CUL4A: variants seen among roughly 807,000 people sequenced by gnomAD.
CUL4A encodes cullin 4A.
Under a neutral mutation model 95.5 loss-of-function variants are expected in CUL4A, and 16 were observed. The ratio of observed to expected loss-of-function variants is 0.17; its 90% confidence interval spans 0.11 to 0.25. The LOEUF is 0.25. Ranked by LOEUF, CUL4A falls within the 10% of genes least tolerant of loss-of-function variation. The probability of loss-of-function intolerance (pLI) is 1.00; values close to 1 mark genes in which losing one functional copy is unlikely to be tolerated. For synonymous variants in CUL4A, 380 were observed against 353.1 expected, an observed-to-expected ratio of 1.08 and a Z score of -0.85; for missense variants, 610 against 937.0, an observed-to-expected ratio of 0.65 and a Z score of 4.56.
At chr13:113,248,338 T>G (rs2041908651) in intron 15 of CUL4A, among the ~76,000 whole-genome samples, 1 of 152,174 alleles carries the variant, frequency 6.6e-6, no homozygotes, top group Non-Finnish European at 1.5e-5. Flanking sequence ...ACTTATTTAT[T>G]TCTCTCTCTT....
chr13:113,211,541 C>T (rs1183319534), intron 2 of CUL4A, among the ~76,000 whole-genome samples: 5 of 152,206 alleles, frequency 3.3e-5, no homozygotes, highest in Non-Finnish European at 5.9e-5. Context: ...CCTGCCACCA[C>T]GCCTGGCTAA....
At chr13:113,208,694 A>G, upstream of CUL4A, 3 of 1,553,530 alleles carry the variant, frequency 1.9e-6, no homozygotes, top group South Asian at 3.5e-5. Context: ...AGCTGGCGTC[A>G]CTTCCGGCCC....
intron 3 of CUL4A, among the ~76,000 whole-genome samples, chr13:113,227,722 G>T (rs1246603241): frequency 6.6e-6 from 1 of 152,052 alleles, no homozygotes; most frequent in Non-Finnish European, 1.5e-5. Context: ...TGACCAACAT[G>T]GTGAAACCCC....
intron 18 of CUL4A, among the ~76,000 whole-genome samples, chr13:113,255,828 G>A (rs1566371466): frequency 6.6e-6 from 1 of 152,210 alleles, no homozygotes; most frequent in Admixed American, 6.5e-5. Flanking sequence ...TTGTTTCCAA[G>A]TTTTGGTGAT....
At chr13:113,219,102 C>A in intron 3 of CUL4A, 54 bp downstream of exon 3, 1 of 1,098,466 alleles carries the variant, frequency 9.1e-7, no homozygotes, top group Non-Finnish European at 1.3e-6. Flanking sequence ...TCTTTTAAAA[C>A]TGAACATTAT....
intron 3 of CUL4A, among the ~76,000 whole-genome samples, chr13:113,220,774 T>G (rs559167629): frequency 6.6e-6 from 1 of 152,300 alleles, no homozygotes; most frequent in African/African-American, 2.4e-5. Context: ...AGCACTTGCT[T>G]TCTACCTACT....
chr13:113,216,552 C>G (rs1289278960), intron 2 of CUL4A, among the ~76,000 whole-genome samples: 4 of 152,222 alleles, frequency 2.6e-5, no homozygotes, highest in Non-Finnish European at 4.4e-5. Flanking sequence ...ACTTCTCTAC[C>G]TCCGATCATT....
chr13:113,229,961 C>T, intron 5 of CUL4A: 1 of 360,494 alleles, frequency 2.8e-6, no homozygotes, highest in Non-Finnish European at 5.0e-6. Flanking sequence ...CGTCCGTCAT[C>T]TTTCGGGGAC....
Position 113,228,024 on chromosome 13 carries a change from G to A in CUL4A, c.417G>A (p.Trp139Ter). The A allele has an allele frequency of 6.2e-7, 1 of 1,613,438 alleles. No homozygotes were observed. Among genetic ancestry groups the A allele is most frequent in the Non-Finnish European group, 8.5e-7 (1 of 1,179,410 alleles). The change falls in exon 4 of 20, where the codon TGG becomes TGA. Residue 139 changes from tryptophan (W) to a stop codon, truncating the protein, a stop_gained. Transcript: ENST00000375440. LOFTEE classifies it high-confidence loss of function. ...VLFLKKINTC[W>*]QDHCRQMIMI... ...TTTTAAAGAAGATTAACACGTGCTGGCAGGACCACTGCAGACAAATGGTAA... is the reference window on the plus strand; with the variant it reads ...TTTTAAAGAAGATTAACACGTGCTGACAGGACCACTGCAGACAAATGGTAA...
rs1256172917 is a variant in CUL4A, at chr13:113,253,109, G to A, written c.1666G>A (p.Ala556Thr). 6.2e-7 allele frequency: 1 copy of A among 1,605,138 alleles called. No homozygotes were observed. Among genetic ancestry groups the A allele is most frequent in the Non-Finnish European group, 8.5e-7 (1 of 1,174,676 alleles). The change falls in exon 16 of 20, where the codon GCA (alanine) becomes ACA (threonine). Residue 556 changes from alanine (A) to threonine (T), a missense_variant. By Grantham distance (58) the Ala-to-Thr change is moderately conservative (BLOSUM62 0). This residue lies in a region of CUL4A where 44 missense variants were observed against 75.6 expected (regional missense o/e 0.58). Coordinates refer to ENST00000375440, the MANE Select transcript of CUL4A (RefSeq NM_001008895.4). ...GATTAAACTTCAGGAAGTATTTAAG[G>A]CATTTTATCTTGGAAAGCACAGTGG... ...EMIKLQEVFK[A>T]FYLGKHSGRK...
intron 10 of CUL4A, among the ~76,000 whole-genome samples, chr13:113,240,897 G>A (rs879757040): frequency 3.9e-5 from 6 of 152,194 alleles, no homozygotes; most frequent in East Asian, 1.9e-4. Context: ...TTCGCAAACC[G>A]TTGCCATTGG....
At position 113,242,853 on chromosome 13, in the gene CUL4A, G is replaced by C. The variant is rs920597292; in HGVS notation, c.1036-115G>C. The C allele has an allele frequency of 2.7e-5, 20 of 748,082 alleles. No homozygotes were observed. In the African/African-American group the frequency reaches 3.4e-4, roughly 13 times the overall value. The allele number at this position is 748,082 out of a possible 1,614,324, so 46.3% of individuals were successfully genotyped here. A position where few individuals can be genotyped will look rare whatever the true frequency, so the allele number is the denominator to read the frequency against. ...TTTGTGAAACTTTTAAAGTTATTGA[G>C]TATTTACTACTAAGAGTAATTTATG... On this transcript the variant is annotated intron_variant, in intron 10 of 19. Coordinates refer to ENST00000375440, the MANE Select transcript of CUL4A (RefSeq NM_001008895.4).
intron 3 of CUL4A, among the ~76,000 whole-genome samples, chr13:113,223,077 T>A (rs71446678): frequency 0.041 from 6,191 of 152,216 alleles, 184 homozygotes; most frequent in Middle Eastern, 0.11. Context: ...AGTGGCTGGT[T>A]ACTGTGATGA....
chr13:113,234,872 G>A (rs1381059944), intron 7 of CUL4A, among the ~76,000 whole-genome samples, 191 bp from the exon 8 acceptor site: 1 of 152,094 alleles, frequency 6.6e-6, no homozygotes, highest in Non-Finnish European at 1.5e-5. Flanking sequence ...TAATATCAGC[G>A]TCCTTTCTCC....
chr13:113,234,929 C>T (rs2041488852), intron 7 of CUL4A, 134 bp from the exon 8 acceptor site: 1 of 631,456 alleles, frequency 1.6e-6, no homozygotes, highest in Non-Finnish European at 2.8e-6. Flanking sequence ...CCCTGTTAAT[C>T]TGTGTTAATA....
chr13:113,208,339 G>C (rs1426413183), upstream of CUL4A: 1 of 1,431,928 alleles, frequency 7.0e-7, no homozygotes, highest in Non-Finnish European at 9.1e-7. Context: ...TGGGACCGCC[G>C]CGTCTACTTA....
chr13:113,249,774 C>T (rs972584684), intron 15 of CUL4A, among the ~76,000 whole-genome samples: 6 of 152,194 alleles, frequency 3.9e-5, no homozygotes, highest in Non-Finnish European at 8.8e-5. Context: ...CTGCCTCTTT[C>T]GTTGTAGCCA....
intron 9 of CUL4A, among the ~76,000 whole-genome samples, chr13:113,238,815 T>A (rs548424100): frequency 4.6e-5 from 7 of 152,162 alleles, no homozygotes; most frequent in Non-Finnish European, 7.3e-5. Flanking sequence ...TGTATGACTG[T>A]TCACCATTTT....
chr13:113,225,618 T>G (rs1443319080), intron 3 of CUL4A, among the ~76,000 whole-genome samples: 2 of 152,244 alleles, frequency 1.3e-5, no homozygotes, highest in African/African-American at 4.8e-5. Flanking sequence ...TTAAAGGATC[T>G]GTGCACCCTC....
Sources: allele counts gnomAD v4.1 joint callset (sites outside exome capture counted in the v4.1 genomes callset), GRCh38; gene constraint gnomAD v4.1.1; regional missense constraint gnomAD v4.1.1; transcripts MANE v1.5; gene names NCBI Gene and HGNC (gene_info 2026-07-23, HGNC 2026-07-21).